The following CHCHD6 variants were observed in gnomAD, a reference collection of about 807,000 sequenced individuals.
CHCHD6 encodes coiled-coil-helix-coiled-coil-helix domain containing 6.
In CHCHD6, 28 loss-of-function variants were observed where a neutral mutation model predicts 32.3. The observed-to-expected ratio is 0.87, with a 90% CI of 0.64 to 1.19. CHCHD6 has a LOEUF of 1.19. Among genes scored for constraint, CHCHD6 ranks in the 50% most tolerant of loss-of-function variants. CHCHD6 has a pLI of 0.00. For missense variants in CHCHD6, 333 were observed against 307.0 expected (o/e 1.08, Z -0.63); for synonymous variants, 122 against 117.5 (o/e 1.04, Z -0.25).
intron 4 of CHCHD6, among the ~76,000 whole-genome samples, chr3:126,744,111 G>A (rs1385227845): frequency 6.6e-6 from 1 of 152,196 alleles, no homozygotes; most frequent in Non-Finnish European, 1.5e-5. Context: ...CAACCTGACA[G>A]CAGTATATTT....
At chr3:126,949,553 TGCC>T in intron 6 of CHCHD6, 1 of 166,848 alleles carries the variant, frequency 6.0e-6, no homozygotes, top group Non-Finnish European at 1.2e-5. Flanking sequence ...CTGCCCGGAC[TGCC>T]GCCGTGGACG....
intron 1 of CHCHD6, among the ~76,000 whole-genome samples, chr3:126,707,643 C>G (rs998916929): frequency 6.6e-6 from 1 of 152,188 alleles, no homozygotes; most frequent in Non-Finnish European, 1.5e-5. Flanking sequence ...CACCACTGAG[C>G]CCACCCCTGT....
intron 7 of CHCHD6, among the ~76,000 whole-genome samples, chr3:126,959,193 T>C (rs2078827071): frequency 6.6e-6 from 1 of 152,242 alleles, no homozygotes; most frequent in Non-Finnish European, 1.5e-5. Context: ...TAAACCCCAG[T>C]GTATTCCCTG....
At chr3:126,722,473 G>C (rs565071121) in intron 1 of CHCHD6, among the ~76,000 whole-genome samples, 1 of 152,222 alleles carries the variant, frequency 6.6e-6, no homozygotes, top group African/African-American at 2.4e-5. Flanking sequence ...CTTACACGTT[G>C]ACCTTTTAAT....
chr3:126,766,754 G>T, intron 4 of CHCHD6: 1 of 1,140,266 alleles, frequency 8.8e-7, no homozygotes, highest in Non-Finnish European at 1.3e-6. Context: ...GTAGATTCAC[G>T]GGAGGTGTTG....
intron 6 of CHCHD6, among the ~76,000 whole-genome samples, chr3:126,923,935 A>G (rs1188274338): frequency 6.6e-6 from 1 of 152,210 alleles, no homozygotes; most frequent in Non-Finnish European, 1.5e-5. Context: ...AAAGGGACAC[A>G]TAGGAGCCCA....
At chr3:126,827,681 ATTG>A (rs1203762355) in intron 4 of CHCHD6, among the ~76,000 whole-genome samples, 22 of 152,196 alleles carry the variant, frequency 1.4e-4, no homozygotes, top group African/African-American at 2.4e-5. Flanking sequence ...GCCAATCACT[ATTG>A]TTGTTACAAA....
At chr3:126,800,705 G>T (rs768316953) in intron 4 of CHCHD6, among the ~76,000 whole-genome samples, 5 of 152,126 alleles carry the variant, frequency 3.3e-5, no homozygotes, top group Non-Finnish European at 7.4e-5. Context: ...GGCACAGCAG[G>T]CATCACAGAA....
At chr3:126,774,687 T>C (rs1937604187) in intron 4 of CHCHD6, among the ~76,000 whole-genome samples, 1 of 151,980 alleles carries the variant, frequency 6.6e-6, no homozygotes, top group Admixed American at 6.6e-5. Flanking sequence ...GCAGGGAAGG[T>C]GGGTTGAGGC....
intron 5 of CHCHD6, among the ~76,000 whole-genome samples, chr3:126,902,126 T>C (rs960765553): frequency 3.3e-5 from 5 of 152,338 alleles, no homozygotes; most frequent in Admixed American, 2.6e-4. Context: ...GAGCTGCACA[T>C]TAGAATCTCT....
chr3:126,741,268 C>G (rs142179329), intron 4 of CHCHD6, among the ~76,000 whole-genome samples: 1 of 152,158 alleles, frequency 6.6e-6, no homozygotes, highest in Non-Finnish European at 1.5e-5. Flanking sequence ...TTAGGATTTA[C>G]TCTTCCTCCT....
intron 4 of CHCHD6, among the ~76,000 whole-genome samples, chr3:126,743,589 G>T (rs768968399): frequency 6.6e-6 from 1 of 152,176 alleles, no homozygotes; most frequent in Non-Finnish European, 1.5e-5. Flanking sequence ...GGGGGCTGGA[G>T]AAACTGTGCA....
chr3:126,838,489 A>G (rs1267194546), intron 4 of CHCHD6, among the ~76,000 whole-genome samples: 1 of 152,238 alleles, frequency 6.6e-6, no homozygotes, highest in Admixed American at 6.5e-5. Context: ...GGGCCTCAGC[A>G]GGACCCATTT....
intron 1 of CHCHD6, among the ~76,000 whole-genome samples, chr3:126,709,143 A>T (rs1223371246): frequency 6.6e-6 from 1 of 152,130 alleles, no homozygotes; most frequent in African/African-American, 2.4e-5. Flanking sequence ...TTTTTTTGGT[A>T]TATTATCTTT....
At chr3:126,765,958 C>T (rs1937353162) in intron 4 of CHCHD6, among the ~76,000 whole-genome samples, 1 of 152,148 alleles carries the variant, frequency 6.6e-6, no homozygotes, top group Admixed American at 6.5e-5. Context: ...AGCATGTGAG[C>T]GTGGTTTTGG....
chr3:126,749,200 G>A (rs542917135), intron 4 of CHCHD6, among the ~76,000 whole-genome samples: 6 of 152,276 alleles, frequency 3.9e-5, no homozygotes, highest in African/African-American at 1.2e-4. Context: ...TTGAGAAGCA[G>A]CAGGGAGCAT....
intron 4 of CHCHD6, among the ~76,000 whole-genome samples, chr3:126,798,851 A>G (rs1172754931): frequency 1.3e-5 from 2 of 152,186 alleles, no homozygotes; most frequent in Non-Finnish European, 2.9e-5. Context: ...CCAGGCTAAA[A>G]AGATTTGTAG....
chr3:126,846,274 A>G (rs755796240), intron 4 of CHCHD6, among the ~76,000 whole-genome samples: 65 of 152,310 alleles, frequency 4.3e-4, no homozygotes, highest in Middle Eastern at 3.4e-3. Flanking sequence ...CCCAGAGGAC[A>G]TTTGTCAAAA....
chr3:126,718,312 G>T (rs1057429727), intron 1 of CHCHD6, among the ~76,000 whole-genome samples: 14 of 152,200 alleles, frequency 9.2e-5, no homozygotes, highest in African/African-American at 3.4e-4. Flanking sequence ...GTAGCACTTT[G>T]CAGTTTTCAC....
Sources: gnomAD v4.1 joint callset for allele counts (sites outside exome capture counted in the v4.1 genomes callset) on GRCh38, gnomAD v4.1.1 for gene constraint, MANE v1.5 for transcripts, NCBI Gene and HGNC (gene_info 2026-07-23, HGNC 2026-07-21) for gene names.